Variants in VRK1 observed in about 807,000 individuals in gnomAD.
VRK1 encodes VRK serine/threonine kinase 1.
In VRK1, 33 loss-of-function variants were observed where a neutral mutation model predicts 57.1. That is an observed-to-expected ratio of 0.58 (90% CI 0.44 to 0.77). The LOEUF (loss-of-function observed/expected upper bound fraction) is 0.77. Among genes scored for constraint, VRK1 ranks in the 30% least tolerant of loss-of-function variants. The probability of loss-of-function intolerance (pLI) is 0.00; values close to 1 mark genes in which losing one functional copy is unlikely to be tolerated. For synonymous variants in VRK1, 137 were observed against 147.8 expected (o/e 0.93, Z 0.53); for missense variants, 413 against 477.3 (o/e 0.87, Z 1.25).
At chr14:96,867,747 G>A (rs1318654019) in intron 11 of VRK1, among the ~76,000 whole-genome samples, 2 of 152,016 alleles carry the variant, frequency 1.3e-5, no homozygotes. Flanking sequence ...ACGCTGTTTT[G>A]TATAGATCTG....
chr14:96,837,749 C>CT lies in VRK1; in HGVS notation c.161-7dup, dbSNP rs1295596727. On this transcript the variant is annotated splice_polypyrimidine_tract_variant and intron_variant, in intron 2 of 12. Coordinates refer to ENST00000216639, the MANE Select transcript of VRK1 (RefSeq NM_003384.3). ...ACTTGTTCTGATATCAAATATTTTACTTTTTTAAACAGCTGATATGAATTC... is the reference window on the plus strand; with the variant it reads ...ACTTGTTCTGATATCAAATATTTTACTTTTTTTAAACAGCTGATATGAATTC... 2.6e-6 allele frequency: 4 copies of CT among 1,537,366 alleles called. No individual in the cohort carries two copies. The African/African-American group carries it at 4.1e-5, about 16-fold the overall frequency.
intron 11 of VRK1, among the ~76,000 whole-genome samples, chr14:96,861,494 A>G (rs1265869893): frequency 6.6e-6 from 1 of 152,168 alleles, no homozygotes; most frequent in Admixed American, 6.5e-5. Flanking sequence ...TTTTTTTTAC[A>G]TTATTAACCA....
intron 2 of VRK1, 88 bp from the exon 3 acceptor site, chr14:96,837,674 A>G (rs1335866897): frequency 5.3e-6 from 4 of 758,274 alleles, no homozygotes; most frequent in Non-Finnish European, 5.8e-6. Flanking sequence ...AGTGTATTCT[A>G]TCAAGGGTTA....
At chr14:96,831,966 A>G (rs1887021279) in intron 1 of VRK1, among the ~76,000 whole-genome samples, 1 of 152,240 alleles carries the variant, frequency 6.6e-6, no homozygotes, top group South Asian at 2.1e-4. Flanking sequence ...TCCATTTTGC[A>G]AGATTTTACC....
In VRK1 at chr14:96,856,191, C is replaced by G; in HGVS notation, c.771C>G (p.Gly257=). ...ATTGCATGATCCAATGGCTTACTGGCCATCTTCCTTGGGAGGATAATTTGA... is the reference window on the plus strand; with the variant it reads ...ATTGCATGATCCAATGGCTTACTGGGCATCTTCCTTGGGAGGATAATTTGA... The part of the protein sequence containing the change: ...LGYCMIQWLT[G]HLPWEDNLKD... Residue 257 remains glycine, a synonymous_variant, in exon 9 of 13, where the codon GGC becomes GGG. Coordinates refer to ENST00000216639, the MANE Select transcript of VRK1 (RefSeq NM_003384.3). 1 of 1,613,666 alleles carries G rather than the reference C, an allele frequency of 6.2e-7. No individual in the cohort carries two copies. The highest frequency in any genetic ancestry group is 8.5e-7 in the Non-Finnish European group (1 of 1,179,724).
intron 5 of VRK1, among the ~76,000 whole-genome samples, chr14:96,851,288 C>T (rs1207050006): frequency 6.6e-6 from 1 of 151,988 alleles, no homozygotes; most frequent in Non-Finnish European, 1.5e-5. Context: ...TTACAGGTTC[C>T]TGCCACCGTG....
intron 1 of VRK1, among the ~76,000 whole-genome samples, chr14:96,799,874 G>A (rs1885588380): frequency 6.6e-6 from 1 of 151,888 alleles, no homozygotes; most frequent in African/African-American, 2.4e-5. Flanking sequence ...AAGGAATTGT[G>A]CTAGGTGCAA....
intron 10 of VRK1, among the ~76,000 whole-genome samples, chr14:96,860,178 G>A (rs954931415): frequency 1.3e-5 from 2 of 151,892 alleles, no homozygotes; most frequent in South Asian, 2.1e-4. Context: ...GGCTTTGATG[G>A]CAAAAACATA....
chr14:96,804,998 G>T (rs1262228561), intron 1 of VRK1, among the ~76,000 whole-genome samples: 6 of 152,166 alleles, frequency 3.9e-5, no homozygotes, highest in Admixed American at 1.3e-4. Context: ...GTTGATGTGG[G>T]TGACATTTCT....
intron 2 of VRK1, among the ~76,000 whole-genome samples, chr14:96,835,116 G>A (rs562348944): frequency 6.6e-5 from 10 of 152,200 alleles, no homozygotes; most frequent in Middle Eastern, 3.4e-3. Context: ...CTTTACTTTT[G>A]TAAGGTTGGG....
At chr14:96,797,790 C>A (rs1174756992) in intron 1 of VRK1, among the ~76,000 whole-genome samples, 1 of 152,374 alleles carries the variant, frequency 6.6e-6, no homozygotes, top group Admixed American at 6.5e-5. Context: ...CACCGGGAAG[C>A]CGGTTCTGTC....
intron 5 of VRK1, among the ~76,000 whole-genome samples, chr14:96,851,882 T>C (rs1453009081): frequency 1.3e-5 from 2 of 152,212 alleles, no homozygotes. Flanking sequence ...GCATACCAGG[T>C]GTTCAGTAAA....
intron 1 of VRK1, among the ~76,000 whole-genome samples, chr14:96,810,590 G>A (rs753360555): frequency 6.6e-6 from 1 of 152,126 alleles, no homozygotes; most frequent in Non-Finnish European, 1.5e-5. Context: ...CTGGGAGTTA[G>A]GATTCCAGTA....
At chr14:96,806,030 A>G (rs1885864174) in intron 1 of VRK1, among the ~76,000 whole-genome samples, 1 of 141,068 alleles carries the variant, frequency 7.1e-6, no homozygotes, top group Non-Finnish European at 1.5e-5. Context: ...TTATAGTGCT[A>G]TGCAAGCTGC....
At chr14:96,878,607 TTTTG>T (rs1889130864) in intron 12 of VRK1, among the ~76,000 whole-genome samples, 3 of 152,304 alleles carry the variant, frequency 2.0e-5, no homozygotes, top group African/African-American at 7.2e-5. Flanking sequence ...CCTAAACTCA[TTTTG>T]AATAGTTGGG....
At chr14:96,810,946 AT>A (rs890850734) in intron 1 of VRK1, among the ~76,000 whole-genome samples, 11 of 148,068 alleles carry the variant, frequency 7.4e-5, no homozygotes, top group Non-Finnish European at 1.6e-4. Flanking sequence ...TTTTTTTTTA[AT>A]TTTTTTTTGA....
chr14:96,837,891 TTAAC>T (rs1887283641), intron 3 of VRK1, 74 bp downstream of exon 3: 1 of 991,464 alleles, frequency 1.0e-6, no homozygotes, highest in Admixed American at 2.6e-5. Context: ...CCTTTTTTGA[TTAAC>T]TAGAATTAAT....
Position 96,881,270 on chromosome 14 carries a change from T to C in VRK1, c.*62T>C. The C allele has an allele frequency of 6.9e-7, 1 of 1,452,480 alleles. No individual in the cohort carries two copies. The highest frequency in any genetic ancestry group is 9.5e-7 in the Non-Finnish European group (1 of 1,055,692). The allele number at this position is 1,452,480 out of a possible 1,614,324, so 90.0% of individuals were successfully genotyped here. On this transcript the variant is annotated 3_prime_UTR_variant, in exon 13 of 13. Coordinates refer to ENST00000216639, the MANE Select transcript of VRK1 (RefSeq NM_003384.3). ...TTCTTTTGACTTTTTTCTCCTTTTCTATTTGAACTGTTTTATTTTCCTGTG... is the reference window on the plus strand; with the variant it reads ...TTCTTTTGACTTTTTTCTCCTTTTCCATTTGAACTGTTTTATTTTCCTGTG...
At chr14:96,853,287 T>C (rs1273196850) in intron 7 of VRK1, 121 bp downstream of exon 7, 3 of 823,276 alleles carry the variant, frequency 3.6e-6, no homozygotes, top group Non-Finnish European at 2.0e-6. Flanking sequence ...GGTAATAATA[T>C]TTCTTCTTGA....
Sources: gnomAD v4.1 joint callset for allele counts (sites outside exome capture counted in the v4.1 genomes callset) on GRCh38, gnomAD v4.1.1 for gene constraint, MANE v1.5 for transcripts, NCBI Gene and HGNC (gene_info 2026-07-23, HGNC 2026-07-21) for gene names.